ZNF148: variants seen among roughly 807,000 people sequenced by gnomAD.
ZNF148 encodes Beta-Enolase Repressor Factor-1.
Under a neutral mutation model 67.7 loss-of-function variants are expected in ZNF148, and 7 were observed. The ratio of observed to expected loss-of-function variants is 0.10; its 90% CI spans 0.06 to 0.19. The LOEUF is 0.19. Among genes scored for constraint, ZNF148 ranks in the 10% least tolerant of loss-of-function variants. The pLI is 1.00. For synonymous variants in ZNF148, 333 were observed against 330.7 expected (o/e 1.01, Z -0.08); for missense variants, 583 against 947.1 (o/e 0.62, Z 5.05).
rs771691964 is a variant in ZNF148 at position 125,286,845 on chromosome 3, G to C, written c.459+1258C>G. On this transcript the variant is annotated intron_variant, in intron 5 of 8. Coordinates refer to ENST00000360647, the MANE Select transcript of ZNF148 (RefSeq NM_021964.3). Reference sequence around the variant, plus strand: ...CAGAAAATCCAAGTAGTTATCTCTAGGAAATGTAACTATGGGTTATTTTAG... The same window carrying C: ...CAGAAAATCCAAGTAGTTATCTCTACGAAATGTAACTATGGGTTATTTTAG... 1.5e-3 allele frequency among the ~76,000 whole-genome samples: 233 copies of C among 152,202 alleles called. 1 individual carries two copies. The highest frequency in any genetic ancestry group is 2.6e-3 in the Non-Finnish European group (177 of 67,984).
At chr3:125,341,355 A>T (rs1941716753) in intron 1 of ZNF148, among the ~76,000 whole-genome samples, 1 of 151,720 alleles carries the variant, frequency 6.6e-6, no homozygotes, top group East Asian at 1.9e-4. Context: ...GCAGTAGCTC[A>T]CACCTGTAAT....
chr3:125,360,473 A>G (rs1453211402), intron 1 of ZNF148, among the ~76,000 whole-genome samples: 1 of 151,880 alleles, frequency 6.6e-6, no homozygotes. Context: ...TTGTGTAGAG[A>G]CAGGGTTTCC....
At chr3:125,339,225 G>T (rs1052270386) in intron 1 of ZNF148, among the ~76,000 whole-genome samples, 1 of 151,958 alleles carries the variant, frequency 6.6e-6, no homozygotes, top group Admixed American at 6.6e-5. Context: ...TCTTATTTTG[G>T]GCCAATTTAT....
At chr3:125,275,523 A>C (rs965188863) in intron 7 of ZNF148, among the ~76,000 whole-genome samples, 2 of 152,230 alleles carry the variant, frequency 1.3e-5, no homozygotes, top group Admixed American at 1.3e-4. Flanking sequence ...TTTACTAGAT[A>C]TATACATTTG....
intron 1 of ZNF148, among the ~76,000 whole-genome samples, chr3:125,333,340 T>G (rs1941365068): frequency 6.6e-6 from 1 of 152,126 alleles, no homozygotes; most frequent in Non-Finnish European, 1.5e-5. Flanking sequence ...AACCTCAAAG[T>G]ATAAATTTAT....
intron 1 of ZNF148, among the ~76,000 whole-genome samples, chr3:125,332,139 T>C: frequency 6.6e-6 from 1 of 152,232 alleles, no homozygotes. Flanking sequence ...TATTTACATA[T>C]GCTTTATCAA....
At chr3:125,269,420 T>C (rs564409814) in intron 7 of ZNF148, among the ~76,000 whole-genome samples, 7 of 145,452 alleles carry the variant, frequency 4.8e-5, no homozygotes, top group Non-Finnish European at 7.5e-5. Flanking sequence ...CTATCTCACA[T>C]CCCTAAGAAG....
chr3:125,287,184 A>C (rs747361358), intron 5 of ZNF148, among the ~76,000 whole-genome samples: 17 of 152,216 alleles, frequency 1.1e-4, no homozygotes, highest in Non-Finnish European at 2.1e-4. Context: ...CCATCAAAAA[A>C]ATCATATTAC....
intron 7 of ZNF148, among the ~76,000 whole-genome samples, chr3:125,257,741 A>G (rs1937151729): frequency 6.6e-6 from 1 of 151,988 alleles, no homozygotes; most frequent in African/African-American, 2.4e-5. Flanking sequence ...TTTAATAAAA[A>G]CTGCTTCCGG....
intron 4 of ZNF148, among the ~76,000 whole-genome samples, chr3:125,291,445 T>C (rs1939006887): frequency 6.6e-6 from 1 of 152,114 alleles, no homozygotes; most frequent in Admixed American, 6.6e-5. Flanking sequence ...ATCACTCCTC[T>C]CCATTTCTGA....
intron 4 of ZNF148, among the ~76,000 whole-genome samples, chr3:125,290,836 A>T (rs2107630387): frequency 6.6e-6 from 1 of 152,292 alleles, no homozygotes; most frequent in South Asian, 2.1e-4. Flanking sequence ...TAAGGGTAGA[A>T]ATTCAAAGGG....
At chr3:125,259,695 C>T (rs977434884) in intron 7 of ZNF148, among the ~76,000 whole-genome samples, 2 of 152,168 alleles carry the variant, frequency 1.3e-5, no homozygotes, top group Admixed American at 1.3e-4. Context: ...GGTGCGGTGG[C>T]TCATACCTGC....
At chr3:125,297,209 A>G (rs1347815925) in intron 4 of ZNF148, among the ~76,000 whole-genome samples, 1 of 152,134 alleles carries the variant, frequency 6.6e-6, no homozygotes, top group African/African-American at 2.4e-5. Context: ...GTGAAAGGAA[A>G]TCTCTATGGG....
chr3:125,328,262 G>A (rs986650338), intron 2 of ZNF148, among the ~76,000 whole-genome samples: 9 of 152,040 alleles, frequency 5.9e-5, no homozygotes, highest in Non-Finnish European at 8.8e-5. Context: ...ATCTAACACA[G>A]AACTGTTCTT....
intron 7 of ZNF148, among the ~76,000 whole-genome samples, chr3:125,257,078 T>C (rs1382463256): frequency 6.6e-6 from 1 of 151,434 alleles, no homozygotes; most frequent in Admixed American, 6.6e-5. Context: ...TCAGTAACAG[T>C]TTAAAAACTC....
intron 1 of ZNF148, among the ~76,000 whole-genome samples, chr3:125,334,776 C>G (rs1014831677): frequency 2.0e-5 from 3 of 151,950 alleles, no homozygotes; most frequent in Admixed American, 6.6e-5. Context: ...CTGTGCTTAT[C>G]CCCCACCCAT....
chr3:125,246,876 T>C (rs1022640313), intron 7 of ZNF148, among the ~76,000 whole-genome samples: 10 of 152,188 alleles, frequency 6.6e-5, no homozygotes, highest in African/African-American at 1.9e-4. Context: ...CTTAAAACTT[T>C]AGAAAATATC....
At chr3:125,289,206 A>G (rs1938871727) in intron 4 of ZNF148, among the ~76,000 whole-genome samples, 1 of 152,216 alleles carries the variant, frequency 6.6e-6, no homozygotes, top group Non-Finnish European at 1.5e-5. Flanking sequence ...CTACATTTTC[A>G]AGAAACACAC....
At chr3:125,246,842 A>G (rs1043152072) in intron 7 of ZNF148, among the ~76,000 whole-genome samples, 1 of 152,218 alleles carries the variant, frequency 6.6e-6, no homozygotes, top group Non-Finnish European at 1.5e-5. Context: ...CCATGGACTA[A>G]TAACTACATA....
Sources: gnomAD v4.1 joint callset for allele counts (sites outside exome capture counted in the v4.1 genomes callset) on GRCh38, gnomAD v4.1.1 for gene constraint, MANE v1.5 for transcripts, NCBI Gene and HGNC (gene_info 2026-07-23, HGNC 2026-07-21) for gene names.